The following CLIC4 variants were observed in gnomAD, a reference collection of about 807,000 sequenced individuals.
The protein encoded by CLIC4 is chloride intracellular channel protein 4.
In CLIC4, 13 loss-of-function variants were observed where a neutral mutation model predicts 24.6. The ratio of observed to expected loss-of-function variants is 0.53; its 90% CI spans 0.34 to 0.84. The LOEUF is 0.84. Among genes scored for constraint, CLIC4 ranks in the 40% least tolerant of loss-of-function variants. The pLI, the probability that CLIC4 is intolerant of heterozygous loss-of-function variation, is 0.01. For missense variants in CLIC4, 227 were observed against 301.7 expected, an observed-to-expected ratio of 0.75 and a Z score of 1.83; for synonymous variants, 104 against 111.3, an observed-to-expected ratio of 0.93 and a Z score of 0.41.
In CLIC4 at chr1:24,841,044, C is replaced by G; in HGVS notation, c.*107C>G. On this transcript the variant is annotated 3_prime_UTR_variant, in exon 6 of 6. Coordinates refer to ENST00000374379, the MANE Select transcript of CLIC4 (RefSeq NM_013943.3). ...AGAAATTGTATTTTGCACGAACATG[C>G]AGTTATTGAAGATTAGGATCAAGGA... 1 of 904,676 alleles carries G rather than the reference C, an allele frequency of 1.1e-6. No individual in the cohort carries two copies. The highest frequency in any genetic ancestry group is 1.7e-6 in the Non-Finnish European group (1 of 602,306). 56.0% of individuals were successfully genotyped at this position (904,676 alleles called of 1,614,324 possible).
intron 5 of CLIC4, among the ~76,000 whole-genome samples, chr1:24,840,533 C>T (rs1047576505): frequency 6.6e-6 from 1 of 152,158 alleles, no homozygotes; most frequent in South Asian, 2.1e-4. Context: ...ACTTGGCTGT[C>T]TTTCTGGATG....
intron 1 of CLIC4, among the ~76,000 whole-genome samples, chr1:24,769,101 C>G (rs1455505642): frequency 6.6e-6 from 1 of 152,016 alleles, no homozygotes; most frequent in Non-Finnish European, 1.5e-5. Flanking sequence ...TCCACTCCAG[C>G]CTGGGTGGCA....
At chr1:24,765,290 C>T (rs531690343) in intron 1 of CLIC4, among the ~76,000 whole-genome samples, 5 of 152,250 alleles carry the variant, frequency 3.3e-5, no homozygotes, top group African/African-American at 9.6e-5. Context: ...AATATTAACT[C>T]ATTTGATTGT....
intron 4 of CLIC4, among the ~76,000 whole-genome samples, chr1:24,831,809 T>C (rs1277912468): frequency 6.6e-6 from 1 of 152,088 alleles, no homozygotes; most frequent in East Asian, 1.9e-4. Context: ...TGGCTAAGTT[T>C]TGTATTTTTA....
At chr1:24,800,332 C>T (rs1186928047) in intron 2 of CLIC4, among the ~76,000 whole-genome samples, 4 of 106,434 alleles carry the variant, frequency 3.8e-5, no homozygotes, top group African/African-American at 1.5e-4. Flanking sequence ...CCGCCCCGTC[C>T]GGGAGGGAGG....
chr1:24,778,071 C>CTTGA (rs1639162209), intron 1 of CLIC4: 1 of 152,176 alleles, frequency 6.6e-6, no homozygotes, highest in South Asian at 2.1e-4. Flanking sequence ...ATTTATCTTA[C>CTTGA]TTGATAGTAG....
Position 24,840,933 on chromosome 1 carries a change from A to C in CLIC4, c.758A>C (p.Lys253Thr), listed in dbSNP as rs1003456912. ...AYSDVAKRLT[K>T] ...AGTGATGTAGCCAAAAGACTCACCA[A>C]GTAAAATCGCGTTTGTAAAAGAGAT... is the stretch of plus-strand genomic sequence containing the variant. The change falls in exon 6 of 6, where the codon AAG (lysine) becomes ACG (threonine). Residue 253 changes from lysine (K) to threonine (T), a missense_variant. Transcript: ENST00000374379. 1 of 1,584,486 alleles carries C rather than the reference A, an allele frequency of 6.3e-7. No homozygotes were observed. The highest frequency in any genetic ancestry group is 1.4e-5 in the African/African-American group (1 of 73,286).
chr1:24,811,570 T>C (rs1639615428), intron 2 of CLIC4, among the ~76,000 whole-genome samples: 1 of 152,084 alleles, frequency 6.6e-6, no homozygotes, highest in East Asian at 1.9e-4. Context: ...CCGCCTGGGC[T>C]CAACCAATCC....
chr1:24,837,747 C>CT (rs899834907), intron 4 of CLIC4, among the ~76,000 whole-genome samples: 39 of 152,314 alleles, frequency 2.6e-4, no homozygotes, highest in African/African-American at 9.1e-4. Flanking sequence ...GTTGCAGTGA[C>CT]TCACACCTGC....
rs1265301511 is a variant in CLIC4 at position 24,748,514 on chromosome 1, T to TTG, written c.72+2890_72+2891insGT. Among the ~76,000 whole-genome samples, 35 of 144,964 alleles carry TTG rather than the reference T, an allele frequency of 2.4e-4. 1 individual carries two copies. The highest frequency in any genetic ancestry group is 2.0e-4 in the East Asian group (1 of 5,052). Reference sequence around the variant, plus strand: ...CAGGTTTTTTGTTTTTTTTTTTTTTTTTTTTTTTAATGAGATGGTGTCTCG... The same window carrying TTG: ...CAGGTTTTTTGTTTTTTTTTTTTTTTTGTTTTTTTTAATGAGATGGTGTCTCG... On this transcript the variant is annotated intron_variant, in intron 1 of 5. Transcript: ENST00000374379.
chr1:24,816,392 G>T (rs548711635), intron 3 of CLIC4, among the ~76,000 whole-genome samples: 1 of 151,682 alleles, frequency 6.6e-6, no homozygotes, highest in African/African-American at 2.4e-5. Context: ...GGTGCCTGCC[G>T]CCATGACCAG....
Position 24,839,908 on chromosome 1 carries a change from T to C in CLIC4, c.464T>C (p.Leu155Pro). 2 of 1,612,766 alleles carry C rather than the reference T, an allele frequency of 1.2e-6. No homozygotes were observed. Among genetic ancestry groups the C allele is most frequent in the Non-Finnish European group, 1.7e-6 (2 of 1,179,974 alleles). ...LKTLQKLDEYLNSPLPDEIDE... is the reference protein window; with the variant it reads ...LKTLQKLDEYPNSPLPDEIDE... ...ACCCTGCAGAAACTGGATGAATATCTGAATTCTCCTCTCCCTGATGAAATT... is the reference window on the plus strand; with the variant it reads ...ACCCTGCAGAAACTGGATGAATATCCGAATTCTCCTCTCCCTGATGAAATT... Residue 155 changes from leucine (L) to proline (P), a missense_variant, in exon 5 of 6, where the codon CTG becomes CCG. Coordinates refer to ENST00000374379, the MANE Select transcript of CLIC4 (RefSeq NM_013943.3).
chr1:24,758,127 C>G (rs1214109316), intron 1 of CLIC4, among the ~76,000 whole-genome samples: 1 of 152,144 alleles, frequency 6.6e-6, no homozygotes, highest in Non-Finnish European at 1.5e-5. Flanking sequence ...TCATTTCCTT[C>G]TGCTTTCTAG....
At chr1:24,749,345 T>C (rs1321187579) in intron 1 of CLIC4, among the ~76,000 whole-genome samples, 1 of 152,202 alleles carries the variant, frequency 6.6e-6, no homozygotes, top group Admixed American at 6.6e-5. Flanking sequence ...CTATTTACAG[T>C]TGAAGCACAT....
chr1:24,767,024 TAAAA>T (rs34142565), intron 1 of CLIC4, among the ~76,000 whole-genome samples: 3 of 71,120 alleles, frequency 4.2e-5, no homozygotes, highest in African/African-American at 7.1e-5. Context: ...GCTGATGAGC[TAAAA>T]AAAAAAAAAA....
At chr1:24,821,972 G>C (rs1455065208) in intron 3 of CLIC4, among the ~76,000 whole-genome samples, 1 of 152,170 alleles carries the variant, frequency 6.6e-6, no homozygotes, top group African/African-American at 2.4e-5. Context: ...TGCTTTGTGG[G>C]TTATTTTGTG....
intron 1 of CLIC4, among the ~76,000 whole-genome samples, chr1:24,747,897 T>C (rs1052362263): frequency 6.6e-6 from 1 of 151,528 alleles, no homozygotes; most frequent in Admixed American, 6.6e-5. Context: ...TAGCCAGGCA[T>C]GGTGGTGGGC....
At chr1:24,811,773 C>T (rs1639617955) in intron 2 of CLIC4, among the ~76,000 whole-genome samples, 1 of 151,552 alleles carries the variant, frequency 6.6e-6, no homozygotes, top group Non-Finnish European at 1.5e-5. Context: ...AGCCACTGCA[C>T]CCAGCCTGCC....
In CLIC4 at chr1:24,745,693, TC is replaced by T; in HGVS notation, c.72+71del. 2.2e-6 allele frequency: 3 copies of T among 1,362,340 alleles called. No homozygotes were observed. In the Admixed American group the frequency reaches 6.8e-5, roughly 31 times the overall value. 84.4% of individuals were successfully genotyped at this position (1,362,340 alleles called of 1,614,324 possible). On this transcript the variant is annotated intron_variant, in intron 1 of 5. Transcript: ENST00000374379. The stretch of plus-strand genomic sequence containing the variant: ...TCCCTCCCGGCTGCGGGGAGCGGCG[TC>T]CCGGGGCTCTCCTGAGGCGCCCCCG...
Sources: allele counts gnomAD v4.1 joint callset (sites outside exome capture counted in the v4.1 genomes callset), GRCh38; gene constraint gnomAD v4.1.1; transcripts MANE v1.5; gene names NCBI Gene and HGNC (gene_info 2026-07-23, HGNC 2026-07-21).